The following WARS2 variants were observed in gnomAD, a reference collection of about 807,000 sequenced individuals.
WARS2 encodes the protein tryptophan--tRNA ligase, mitochondrial.
Under a neutral mutation model 36.5 loss-of-function variants are expected in WARS2, and 28 were observed. The observed-to-expected ratio is 0.77, with a 90% CI of 0.57 to 1.05. The LOEUF (loss-of-function observed/expected upper bound fraction) is 1.05, where lower values mean the gene tolerates loss of function less well. Ranked by LOEUF, WARS2 falls within the 50% of genes least tolerant of loss-of-function variation. WARS2 has a pLI of 0.00. For missense variants in WARS2, 435 were observed against 456.8 expected (o/e 0.95, Z 0.44); for synonymous variants, 174 against 178.4 (o/e 0.98, Z 0.20).
At chr1:119,053,670 G>C (rs959767552) in intron 2 of WARS2, among the ~76,000 whole-genome samples, 3 of 152,168 alleles carry the variant, frequency 2.0e-5, no homozygotes, top group African/African-American at 7.2e-5. Flanking sequence ...CCAATCAGCA[G>C]AGTAAAAAGG....
chr1:119,133,506 G>A (rs1477348846), intron 1 of WARS2, among the ~76,000 whole-genome samples: 3 of 152,202 alleles, frequency 2.0e-5, no homozygotes, highest in Non-Finnish European at 4.4e-5. Context: ...GTAACCTTAG[G>A]TTAGTTATTT....
intron 2 of WARS2, among the ~76,000 whole-genome samples, chr1:119,065,501 G>C (rs933598983): frequency 6.6e-6 from 1 of 151,746 alleles, no homozygotes; most frequent in African/African-American, 2.4e-5. Context: ...CTGGCATGGT[G>C]GTGGGCGCCA....
chr1:119,102,269 T>C (rs587675859), intron 1 of WARS2, among the ~76,000 whole-genome samples: 20 of 152,344 alleles, frequency 1.3e-4, no homozygotes, highest in South Asian at 1.2e-3. Flanking sequence ...AACCAATTCA[T>C]TGGTCTATTT....
intron 1 of WARS2, chr1:119,085,972 C>T: frequency 6.2e-7 from 1 of 1,609,124 alleles, no homozygotes. Context: ...GGCCCAAACT[C>T]AGCGTTCAGG....
chr1:119,136,658 G>A (rs1656533979), intron 1 of WARS2, among the ~76,000 whole-genome samples: 6 of 152,204 alleles, frequency 3.9e-5, no homozygotes, highest in Admixed American at 2.6e-4. Context: ...ATACATGGCA[G>A]AGAAAAGCTA....
intron 1 of WARS2, among the ~76,000 whole-genome samples, chr1:119,112,352 A>G (rs922453295): frequency 2.6e-5 from 4 of 152,224 alleles, no homozygotes; most frequent in Non-Finnish European, 5.9e-5. Flanking sequence ...GTAAAGAAAG[A>G]TGTAGAGCCA....
intron 1 of WARS2, among the ~76,000 whole-genome samples, chr1:119,084,621 C>T (rs1165042146): frequency 2.0e-5 from 3 of 152,188 alleles, no homozygotes; most frequent in Admixed American, 2.0e-4. Context: ...TCACATCAAG[C>T]TGTCCAAACC....
At chr1:119,083,915 T>C (rs1380852101) in intron 1 of WARS2, among the ~76,000 whole-genome samples, 1 of 152,170 alleles carries the variant, frequency 6.6e-6, no homozygotes, top group African/African-American at 2.4e-5. Context: ...AGCATATTAT[T>C]ATCTTGAACA....
chr1:119,071,641 G>A (rs1027226158), intron 2 of WARS2, among the ~76,000 whole-genome samples: 12 of 151,998 alleles, frequency 7.9e-5, no homozygotes, highest in Non-Finnish European at 1.6e-4. Context: ...CTAAAAAATC[G>A]AGCTCATAGA....
chr1:119,134,586 G>C lies in WARS2; in HGVS notation c.90+5969C>G, dbSNP rs587723901. 3.3e-5 allele frequency among the ~76,000 whole-genome samples: 5 copies of C among 152,264 alleles called. No individual in the cohort carries two copies. The East Asian group carries it at 9.6e-4, about 29-fold the overall frequency. Reference sequence around the variant, plus strand: ...GTAAGCAGAGAAGTTCAGGAAATCTGTGAAGCCTCTGAACTGGAGAAAAAA... The same window carrying C: ...GTAAGCAGAGAAGTTCAGGAAATCTCTGAAGCCTCTGAACTGGAGAAAAAA... On this transcript the variant is annotated intron_variant, in intron 1 of 5. Coordinates refer to ENST00000235521, the MANE Select transcript of WARS2 (RefSeq NM_015836.4).
rs587600527 is a variant in WARS2 at position 119,116,301 on chromosome 1, C to T, written c.90+24254G>A. 3.2e-3 allele frequency among the ~76,000 whole-genome samples: 489 copies of T among 152,176 alleles called. 5 individuals are homozygous for T. Among genetic ancestry groups the T allele is most frequent in the African/African-American group, 0.011 (468 of 41,524 alleles). On this transcript the variant is annotated intron_variant, in intron 1 of 5. Coordinates refer to ENST00000235521, the MANE Select transcript of WARS2 (RefSeq NM_015836.4). ...GAAAGAAATAAATACGTTTACCTTCCAGGTTCTTCCGTAAAACAAAGATAA... is the reference window on the plus strand; with the variant it reads ...GAAAGAAATAAATACGTTTACCTTCTAGGTTCTTCCGTAAAACAAAGATAA...
intron 2 of WARS2, among the ~76,000 whole-genome samples, chr1:119,050,159 C>T (rs1172138909): frequency 1.3e-5 from 2 of 152,214 alleles, no homozygotes; most frequent in African/African-American, 2.4e-5. Flanking sequence ...CCATGCTGGC[C>T]TTCTGGTGTT....
intron 2 of WARS2, among the ~76,000 whole-genome samples, chr1:119,046,124 G>A (rs1648799626): frequency 6.6e-6 from 1 of 151,884 alleles, no homozygotes; most frequent in South Asian, 2.1e-4. Flanking sequence ...TATAAGTGGT[G>A]GAAAAAGGTA....
chr1:119,044,612 C>A (rs1377840421), intron 3 of WARS2, among the ~76,000 whole-genome samples: 2 of 152,140 alleles, frequency 1.3e-5, no homozygotes, highest in Non-Finnish European at 2.9e-5. Flanking sequence ...GTTCTGGAGG[C>A]TGGGAAGTCC....
At chr1:119,062,781 C>A in intron 2 of WARS2, 1 of 160,148 alleles carries the variant, frequency 6.2e-6, no homozygotes, top group Non-Finnish European at 1.3e-5. Flanking sequence ...GTGACTTCTG[C>A]CTCCTGCCAT....
chr1:119,138,518 C>G (rs1656674098), intron 1 of WARS2, among the ~76,000 whole-genome samples: 1 of 152,076 alleles, frequency 6.6e-6, no homozygotes. Context: ...AAACAAATAA[C>G]TTTTAACCCA....
intron 2 of WARS2, among the ~76,000 whole-genome samples, chr1:119,057,720 G>A (rs1397769435): frequency 6.6e-6 from 1 of 151,516 alleles, no homozygotes. Context: ...AACCCGGGAG[G>A]CAGAGGTTTC....
Position 119,045,632 on chromosome 1 carries a change from G to C in WARS2, c.379C>G (p.Leu127Val). ...VSEHTQLSWI[L>V]SCMVRLPRLQ... Reference sequence around the variant, plus strand: ...CGAGGTAGTCTGACCATGCAGGAAAGGATCCAACTTAATTGTGTGTGTTCA... The same window carrying C: ...CGAGGTAGTCTGACCATGCAGGAAACGATCCAACTTAATTGTGTGTGTTCA... Residue 127 changes from leucine (L) to valine (V), a missense_variant, in exon 3 of 6, where the codon CTT becomes GTT. Coordinates refer to ENST00000235521, the MANE Select transcript of WARS2 (RefSeq NM_015836.4). The C allele has an allele frequency of 6.3e-7, 1 of 1,593,434 alleles. No individual in the cohort carries two copies. Among genetic ancestry groups the C allele is most frequent in the Non-Finnish European group, 8.6e-7 (1 of 1,166,830 alleles).
At chr1:119,114,150 G>T (rs1654819917) in intron 1 of WARS2, among the ~76,000 whole-genome samples, 1 of 152,160 alleles carries the variant, frequency 6.6e-6, no homozygotes, top group South Asian at 2.1e-4. Context: ...AGGAGATGGT[G>T]GGGCCAGGAA....
Sources: gnomAD v4.1 joint callset for allele counts (sites outside exome capture counted in the v4.1 genomes callset) on GRCh38, gnomAD v4.1.1 for gene constraint, MANE v1.5 for transcripts, NCBI Gene and HGNC (gene_info 2026-07-23, HGNC 2026-07-21) for gene names.